Variants in ANO2 observed in about 807,000 individuals in gnomAD.
The protein encoded by ANO2 is anoctamin 2, also known as anoctamin-2.
In ANO2, 101 loss-of-function variants were observed where a neutral mutation model predicts 124.2. The observed-to-expected ratio is 0.81, with a 90% CI of 0.69 to 0.96. The LOEUF is 0.96. Ranked by LOEUF, ANO2 falls within the 40% of genes least tolerant of loss-of-function variation. The probability of loss-of-function intolerance (pLI) is 0.00; values close to 1 mark genes in which losing one functional copy is unlikely to be tolerated. For synonymous variants in ANO2, 486 were observed against 482.5 expected (o/e 1.01, Z -0.09); for missense variants, 1,293 against 1,274.5 (o/e 1.01, Z -0.22).
intron 4 of ANO2, among the ~76,000 whole-genome samples, chr12:5,842,294 T>C (rs1228308037): frequency 2.0e-5 from 3 of 152,110 alleles, no homozygotes; most frequent in Non-Finnish European, 4.4e-5. Context: ...GTACCTGGTG[T>C]ATGGTAATAC....
intron 16 of ANO2, among the ~76,000 whole-genome samples, chr12:5,618,394 A>AG (rs1944944499): frequency 6.6e-6 from 1 of 152,168 alleles, no homozygotes; most frequent in African/African-American, 2.4e-5. Context: ...GTATGACAGA[A>AG]GGCATCATAC....
At chr12:5,612,587 C>T in intron 19 of ANO2, 69 bp downstream of exon 19, 4 of 1,338,976 alleles carry the variant, frequency 3.0e-6, no homozygotes, top group South Asian at 1.2e-5. Context: ...AGAAAACCTG[C>T]TGAAAGGCTG....
chr12:5,778,823 T>G (rs1952303741), intron 10 of ANO2, among the ~76,000 whole-genome samples: 1 of 152,180 alleles, frequency 6.6e-6, no homozygotes, highest in Admixed American at 6.5e-5. Context: ...AACAGTAGGA[T>G]CAATTGTAAA....
intron 9 of ANO2, among the ~76,000 whole-genome samples, chr12:5,805,509 C>T (rs78686358): frequency 0.033 from 4,964 of 152,264 alleles, 116 homozygotes; most frequent in African/African-American, 0.051. Flanking sequence ...ACTCAGATTG[C>T]TCATCTATAA....
At chr12:5,920,295 G>T (rs771714142) in intron 3 of ANO2, among the ~76,000 whole-genome samples, 1 of 152,052 alleles carries the variant, frequency 6.6e-6, no homozygotes, top group Non-Finnish European at 1.5e-5. Flanking sequence ...CCAGACAAGC[G>T]CATTCCTTAG....
At chr12:5,596,968 A>G (rs1943692434) in intron 20 of ANO2, among the ~76,000 whole-genome samples, 1 of 152,112 alleles carries the variant, frequency 6.6e-6, no homozygotes, top group Non-Finnish European at 1.5e-5. Flanking sequence ...GACACATAGG[A>G]GTCTTGATAA....
chr12:5,746,825 C>T (rs1771391355), intron 11 of ANO2, among the ~76,000 whole-genome samples: 1 of 152,232 alleles, frequency 6.6e-6, no homozygotes, highest in Middle Eastern at 3.4e-3. Flanking sequence ...CCTAAAGTAA[C>T]CAATCTTTTT....
chr12:5,718,138 G>A (rs151231975), intron 14 of ANO2, among the ~76,000 whole-genome samples: 18 of 152,332 alleles, frequency 1.2e-4, no homozygotes, highest in African/African-American at 1.7e-4. Context: ...GCAATAGCTC[G>A]AGAGGGAAAG....
chr12:5,637,372 T>C (rs1285060191), intron 15 of ANO2, among the ~76,000 whole-genome samples: 1 of 151,704 alleles, frequency 6.6e-6, no homozygotes, highest in Non-Finnish European at 1.5e-5. Context: ...CGTGTGTGTG[T>C]ATTTGGGGTT....
At chr12:5,911,878 T>G (rs1266402854) in intron 3 of ANO2, among the ~76,000 whole-genome samples, 1 of 152,222 alleles carries the variant, frequency 6.6e-6, no homozygotes, top group Non-Finnish European at 1.5e-5. Flanking sequence ...AACTATAATG[T>G]CCTATGATCC....
At chr12:5,583,107 T>G (rs1312401133) in intron 20 of ANO2, among the ~76,000 whole-genome samples, 1 of 152,206 alleles carries the variant, frequency 6.6e-6, no homozygotes, top group Non-Finnish European at 1.5e-5. Flanking sequence ...TCAAAGATTA[T>G]CTGTTTCATA....
intron 15 of ANO2, among the ~76,000 whole-genome samples, chr12:5,644,832 T>G (rs890394518): frequency 6.6e-6 from 1 of 152,226 alleles, no homozygotes; most frequent in African/African-American, 2.4e-5. Flanking sequence ...TTCTTGGGCA[T>G]AGAATTCTTA....
At position 5,750,752 on chromosome 12, in the gene ANO2, G is replaced by C. The variant is rs190544622; in HGVS notation, c.1190+84C>G. ...TAGAGGGTGAGGGCTTTGGAAAGAG[G>C]CATGTGAAATGTACTTGTACTGGGA... On this transcript the variant is annotated intron_variant, in intron 11 of 24. Transcript: ENST00000682330. 724 of 1,376,582 alleles carry C rather than the reference G, an allele frequency of 5.3e-4. 2 individuals carry two copies. The highest frequency in any genetic ancestry group is 3.7e-4 in the Middle Eastern group (2 of 5,382). The allele number at this position is 1,376,582 out of a possible 1,614,324, so 85.3% of individuals were successfully genotyped here.
chr12:5,857,519 G>A (rs961776847), intron 3 of ANO2, among the ~76,000 whole-genome samples: 1 of 151,922 alleles, frequency 6.6e-6, no homozygotes, highest in African/African-American at 2.4e-5. Flanking sequence ...TTTTCACTGC[G>A]TCCTTGCCAG....
chr12:5,897,638 AT>A (rs1421693299), intron 3 of ANO2, among the ~76,000 whole-genome samples: 1 of 152,194 alleles, frequency 6.6e-6, no homozygotes. Flanking sequence ...CAGCAGAGCA[AT>A]GAGGAAGAAT....
chr12:5,821,806 T>C (rs1953808755), intron 7 of ANO2, among the ~76,000 whole-genome samples: 1 of 152,196 alleles, frequency 6.6e-6, no homozygotes. Flanking sequence ...AACAGCAGCA[T>C]TCCATCATCA....
chr12:5,837,158 TC>T (rs1954346107), intron 4 of ANO2, among the ~76,000 whole-genome samples: 2 of 151,262 alleles, frequency 1.3e-5, no homozygotes, highest in African/African-American at 4.9e-5. Flanking sequence ...GCCAAAAGCC[TC>T]CCCCTCCTGC....
chr12:5,674,343 G>C (rs1948137220), intron 14 of ANO2, among the ~76,000 whole-genome samples: 1 of 152,104 alleles, frequency 6.6e-6, no homozygotes, highest in Admixed American at 6.6e-5. Context: ...CTAAGTTCAA[G>C]TCCCCAAACA....
At chr12:5,919,669 T>C (rs895755850) in intron 3 of ANO2, among the ~76,000 whole-genome samples, 1 of 151,714 alleles carries the variant, frequency 6.6e-6, no homozygotes, top group African/African-American at 2.4e-5. Context: ...AGGGTAGGAA[T>C]GAGTTTGGGG....
Sources: allele counts gnomAD v4.1 joint callset (sites outside exome capture counted in the v4.1 genomes callset), GRCh38; gene constraint gnomAD v4.1.1; transcripts MANE v1.5; gene names NCBI Gene and HGNC (gene_info 2026-07-23, HGNC 2026-07-21).